ZNF521: variants seen among roughly 807,000 people sequenced by gnomAD.
ZNF521 encodes LYST-interacting protein 3.
A neutral mutation model predicts 105.5 loss-of-function variants in ZNF521; 14 were observed. The observed-to-expected ratio is 0.13, with a 90% CI of 0.09 to 0.21. ZNF521 has a LOEUF of 0.21. Ranked by LOEUF, ZNF521 falls within the 10% of genes least tolerant of loss-of-function variation. The pLI is 1.00. For missense variants in ZNF521, 1,233 were observed against 1,629.7 expected, an observed-to-expected ratio of 0.76 and a Z score of 4.19; for synonymous variants, 635 against 606.0, an observed-to-expected ratio of 1.05 and a Z score of -0.70.
At chr18:25,285,698 T>TCTCA (rs1185535267) in intron 3 of ZNF521, among the ~76,000 whole-genome samples, 11,786 of 146,936 alleles carry the variant, frequency 0.08, 574 homozygotes, top group South Asian at 0.19. Flanking sequence ...TCTCTCTCTC[T>TCTCA]CACACACACA....
rs534989057 is a variant in ZNF521 at position 25,084,734 on chromosome 18, G to A, written c.3906+4731C>T. 2.6e-5 allele frequency among the ~76,000 whole-genome samples: 4 copies of A among 152,190 alleles called. No individual in the cohort carries two copies. The East Asian group carries it at 7.7e-4, about 29-fold the overall frequency. On this transcript the variant is annotated intron_variant, in intron 7 of 7. Transcript: ENST00000361524. ...AATCTTCATTAAATTTATAACAAGA[G>A]GCCTGACAGAACTTTCTATGTGGAC...
chr18:25,303,304 G>GTGTT (rs1911755756), intron 3 of ZNF521, among the ~76,000 whole-genome samples: 2 of 111,100 alleles, frequency 1.8e-5, no homozygotes, highest in Non-Finnish European at 3.6e-5. Flanking sequence ...GTGTGTGTGT[G>GTGTT]TGTGTGAGAG....
intron 4 of ZNF521, among the ~76,000 whole-genome samples, chr18:25,219,038 C>T (rs1389359893): frequency 6.6e-6 from 1 of 152,148 alleles, no homozygotes; most frequent in Non-Finnish European, 1.5e-5. Flanking sequence ...GCTCCACTTC[C>T]ACTTAATGGA....
intron 5 of ZNF521, among the ~76,000 whole-genome samples, chr18:25,190,334 T>C (rs2035796827): frequency 6.6e-6 from 1 of 152,186 alleles, no homozygotes; most frequent in Non-Finnish European, 1.5e-5. Flanking sequence ...GATTTTGAGC[T>C]TCTTAGGATA....
At chr18:25,318,164 T>C (rs1468591224) in intron 3 of ZNF521, among the ~76,000 whole-genome samples, 3 of 152,080 alleles carry the variant, frequency 2.0e-5, no homozygotes, top group African/African-American at 4.8e-5. Context: ...TACACAACAA[T>C]ATGAATGGAT....
At chr18:25,297,023 T>C (rs1911355879) in intron 3 of ZNF521, among the ~76,000 whole-genome samples, 1 of 151,972 alleles carries the variant, frequency 6.6e-6, no homozygotes, top group Non-Finnish European at 1.5e-5. Context: ...ACCCCATAAA[T>C]TGTAAAGCCT....
chr18:25,111,195 CTCTACT>C, intron 5 of ZNF521, among the ~76,000 whole-genome samples: 1 of 152,080 alleles, frequency 6.6e-6, no homozygotes, highest in Admixed American at 6.5e-5. Flanking sequence ...AGGTGCTGAC[CTCTACT>C]TGGCCTTCCC....
At chr18:25,169,539 T>A (rs1401668347) in intron 5 of ZNF521, among the ~76,000 whole-genome samples, 2 of 152,082 alleles carry the variant, frequency 1.3e-5, no homozygotes, top group East Asian at 1.9e-4. Context: ...CTTTCACTAT[T>A]TTTTTTAATA....
chr18:25,142,534 G>A (rs1450745078), intron 5 of ZNF521, among the ~76,000 whole-genome samples: 1 of 152,032 alleles, frequency 6.6e-6, no homozygotes, highest in Non-Finnish European at 1.5e-5. Context: ...TACCTTGTGA[G>A]TTCTTGGGAC....
intron 5 of ZNF521, among the ~76,000 whole-genome samples, chr18:25,147,987 C>T (rs1459651546): frequency 6.6e-6 from 1 of 152,118 alleles, no homozygotes. Flanking sequence ...ATGCAGCTTG[C>T]TTTCTTTAAC....
chr18:25,197,644 T>C (rs976930469), intron 4 of ZNF521, among the ~76,000 whole-genome samples: 89 of 151,930 alleles, frequency 5.9e-4, no homozygotes, highest in African/African-American at 2.1e-3. Context: ...GTGGCTAAAA[T>C]TATGAGAGAA....
intron 5 of ZNF521, among the ~76,000 whole-genome samples, chr18:25,166,607 T>C (rs2035346487): frequency 6.6e-6 from 1 of 152,210 alleles, no homozygotes; most frequent in South Asian, 2.1e-4. Context: ...TTCTTCTTTC[T>C]GTTGTTTGTA....
At chr18:25,261,613 T>A (rs1019329018) in intron 3 of ZNF521, among the ~76,000 whole-genome samples, 3 of 152,166 alleles carry the variant, frequency 2.0e-5, no homozygotes, top group African/African-American at 7.2e-5. Context: ...ATCCCCTTTT[T>A]CCTTCTCTCT....
At chr18:25,307,046 C>G (rs1912022354) in intron 3 of ZNF521, among the ~76,000 whole-genome samples, 1 of 152,106 alleles carries the variant, frequency 6.6e-6, no homozygotes, top group African/African-American at 2.4e-5. Context: ...CCACCCAATA[C>G]AGCTGAGGAA....
At chr18:25,251,941 T>C (rs1908149684) in intron 3 of ZNF521, among the ~76,000 whole-genome samples, 1 of 152,202 alleles carries the variant, frequency 6.6e-6, no homozygotes, top group South Asian at 2.1e-4. Flanking sequence ...AGTACTGATA[T>C]TTAAAAATTA....
chr18:25,192,273 G>A (rs372864259), intron 5 of ZNF521, among the ~76,000 whole-genome samples: 18 of 152,190 alleles, frequency 1.2e-4, no homozygotes, highest in African/African-American at 4.3e-4. Context: ...CTCAGACCAT[G>A]TGTCCACACC....
At chr18:25,347,066 A>G (rs1914494679) in intron 2 of ZNF521, among the ~76,000 whole-genome samples, 1 of 152,226 alleles carries the variant, frequency 6.6e-6, no homozygotes, top group South Asian at 2.1e-4. Flanking sequence ...CACCACAAGA[A>G]AGAGAATAAA....
In ZNF521 at chr18:25,268,033, G is replaced by GA. The variant is rs529783206; in HGVS notation, c.221-40337dup. Among the ~76,000 whole-genome samples, 7 of 152,166 alleles carry GA rather than the reference G, an allele frequency of 4.6e-5. No homozygotes were observed. In the East Asian group the frequency reaches 1.2e-3, roughly 25 times the overall value. ...CCAATGCAAGGAAGCTAAGAACACT[G>GA]AAAAAAAGTTAGACGAATTGCTAAC... On this transcript the variant is annotated intron_variant, in intron 3 of 7. Coordinates refer to ENST00000361524, the MANE Select transcript of ZNF521 (RefSeq NM_015461.3).
At chr18:25,329,175 A>G (rs1913407499) in intron 2 of ZNF521, among the ~76,000 whole-genome samples, 1 of 152,204 alleles carries the variant, frequency 6.6e-6, no homozygotes, top group Admixed American at 6.5e-5. Context: ...GTCAAAAGCA[A>G]GTTCAAGTGT....
Sources: gnomAD v4.1 joint callset for allele counts (sites outside exome capture counted in the v4.1 genomes callset) on GRCh38, gnomAD v4.1.1 for gene constraint, MANE v1.5 for transcripts, NCBI Gene and HGNC (gene_info 2026-07-23, HGNC 2026-07-21) for gene names.